The following DNAH11 variants were observed in gnomAD, a reference collection of about 807,000 sequenced individuals.
DNAH11 encodes the protein axonemal beta dynein heavy chain 11.
DNAH11 carries 442 observed loss-of-function variants against 526.0 expected under a neutral mutation model. That is an observed-to-expected ratio of 0.84 (90% CI 0.78 to 0.91). The LOEUF (loss-of-function observed/expected upper bound fraction) is 0.91. DNAH11 is among the 40% of genes least tolerant of loss of function. The pLI, the probability that DNAH11 is intolerant of heterozygous loss-of-function variation, is 0.00. For missense variants in DNAH11, 6,989 were observed against 5,448.7 expected (o/e 1.28, Z -8.90); for synonymous variants, 2,461 against 1,935.9 (o/e 1.27, Z -7.12).
Position 21,711,691 on chromosome 7 carries a change from A to T in DNAH11, c.6835-21A>T, listed in dbSNP as rs759185594. 1.9e-6 allele frequency: 3 copies of T among 1,606,422 alleles called. No homozygotes were observed. The South Asian group carries it at 3.3e-5, about 18-fold the overall frequency. Reference sequence around the variant, plus strand: ...GCGGCATTGCTTTTGCCCATGGGTGACAGTGTGCTGCTCACTCCAGGTGCT... The same window carrying T: ...GCGGCATTGCTTTTGCCCATGGGTGTCAGTGTGCTGCTCACTCCAGGTGCT... On this transcript the variant is annotated intron_variant, in intron 41 of 81. Transcript: ENST00000409508.
In DNAH11 at chr7:21,617,741, G is replaced by T. The variant is rs1016300664; in HGVS notation, c.4218G>T (p.Arg1406Ser). 1 of 1,608,954 alleles carries T rather than the reference G, an allele frequency of 6.2e-7. No individual in the cohort carries two copies. Among genetic ancestry groups the T allele is most frequent in the Admixed American group, 1.7e-5 (1 of 58,864 alleles). Residue 1406 changes from arginine (R) to serine (S), a missense_variant, in exon 23 of 82, where the codon AGG becomes AGT. Arg to Ser is a moderately radical substitution (Grantham distance 110). Transcript: ENST00000409508. Reference sequence around the variant, plus strand: ...CAGAGTTACAGAGCCCTGCCCTCAGGGACAGGCATTGGCACCAGCTGATGA... The same window carrying T: ...CAGAGTTACAGAGCCCTGCCCTCAGTGACAGGCATTGGCACCAGCTGATGA... ...AITELQSPAL[R>S]DRHWHQLMKA... is the part of the protein sequence containing the mutation.
At chr7:21,763,843 C>T (rs945329177) in intron 54 of DNAH11, among the ~76,000 whole-genome samples, 5 of 149,844 alleles carry the variant, frequency 3.3e-5, no homozygotes, top group African/African-American at 9.9e-5. Flanking sequence ...TATACACACA[C>T]AATGGAATAT....
At chr7:21,550,359 T>C (rs548186300) in intron 2 of DNAH11, among the ~76,000 whole-genome samples, 7 of 152,166 alleles carry the variant, frequency 4.6e-5, no homozygotes, top group Admixed American at 4.6e-4. Context: ...GAAGTCCTTT[T>C]AACCTAAGGG....
chr7:21,633,852 G>A (rs747968839), intron 25 of DNAH11, among the ~76,000 whole-genome samples: 21 of 152,144 alleles, frequency 1.4e-4, no homozygotes, highest in Admixed American at 2.0e-4. Context: ...GGGTATTTAG[G>A]CAATGAGGAC....
intron 8 of DNAH11, among the ~76,000 whole-genome samples, chr7:21,574,429 G>C (rs11770323): frequency 0.47 from 71,464 of 151,894 alleles, 17,412 homozygotes; most frequent in East Asian, 0.75. Flanking sequence ...GAGTGGTCCC[G>C]CAGGCAAATG....
At chr7:21,770,779 A>G (rs1787404809) in intron 55 of DNAH11, among the ~76,000 whole-genome samples, 1 of 152,180 alleles carries the variant, frequency 6.6e-6, no homozygotes, top group African/African-American at 2.4e-5. Flanking sequence ...GCAGTATCTT[A>G]CCAGATTTTT....
At chr7:21,617,324 C>A (rs1181900331) in intron 22 of DNAH11, among the ~76,000 whole-genome samples, 3 of 152,200 alleles carry the variant, frequency 2.0e-5, no homozygotes, top group African/African-American at 7.2e-5. Context: ...AAACATTCTT[C>A]ATTGCACGTG....
At chr7:21,817,964 A>G (rs1210011145) in intron 64 of DNAH11, among the ~76,000 whole-genome samples, 3 of 152,214 alleles carry the variant, frequency 2.0e-5, no homozygotes, top group African/African-American at 4.8e-5. Context: ...ATTACAAGCA[A>G]CTAATCTATA....
intron 2 of DNAH11, among the ~76,000 whole-genome samples, chr7:21,552,286 A>G (rs1783052136): frequency 6.6e-6 from 1 of 152,172 alleles, no homozygotes; most frequent in Non-Finnish European, 1.5e-5. Flanking sequence ...TTTCTCTTCT[A>G]GTAACTTGAG....
chr7:21,836,883 A>G (rs992137084), intron 65 of DNAH11, among the ~76,000 whole-genome samples: 1 of 152,136 alleles, frequency 6.6e-6, no homozygotes. Flanking sequence ...TATATAAGGA[A>G]CTCAATTTAG....
In DNAH11 at chr7:21,818,297, T is replaced by G. The variant is rs1789899060; in HGVS notation, c.10649T>G (p.Val3550Gly). Residue 3550 changes from valine (V) to glycine (G), a missense_variant, in exon 65 of 82, where the codon GTC becomes GGC. Transcript: ENST00000409508. The stretch of plus-strand genomic sequence containing the variant: ...AATCTCGAGGAAACGATAGATCCAG[T>G]CCTGGATCCACTACTTGGCAGGAAC... ...IENLEETIDP[V>G]LDPLLGRNTI... is the part of the protein sequence containing the mutation. The G allele has an allele frequency of 1.2e-6, 2 of 1,611,010 alleles. No homozygotes were observed. The highest frequency in any genetic ancestry group is 4.5e-5 in the East Asian group (2 of 44,734).
chr7:21,845,450 G>A (rs1014338146), intron 66 of DNAH11, among the ~76,000 whole-genome samples: 5 of 151,988 alleles, frequency 3.3e-5, no homozygotes, highest in South Asian at 4.1e-4. Flanking sequence ...TCTCAGCACC[G>A]TTTGTTGAAA....
chr7:21,688,682 A>G (rs1037756065), intron 34 of DNAH11, among the ~76,000 whole-genome samples: 1 of 152,232 alleles, frequency 6.6e-6, no homozygotes, highest in South Asian at 2.1e-4. Flanking sequence ...TAGTTGTCTC[A>G]TCCCAATAGG....
intron 55 of DNAH11, among the ~76,000 whole-genome samples, chr7:21,767,402 C>G (rs1787227486): frequency 6.6e-6 from 1 of 152,056 alleles, no homozygotes; most frequent in Non-Finnish European, 1.5e-5. Context: ...TTTTCCTGTC[C>G]AGGTGGGTGC....
intron 32 of DNAH11, among the ~76,000 whole-genome samples, chr7:21,686,201 A>G (rs1783368534): frequency 6.6e-6 from 1 of 152,194 alleles, no homozygotes; most frequent in South Asian, 2.1e-4. Flanking sequence ...CCTTCTGAAT[A>G]TATTCCTACA....
intron 65 of DNAH11, among the ~76,000 whole-genome samples, chr7:21,824,841 C>T (rs1382904530): frequency 6.6e-6 from 1 of 152,122 alleles, no homozygotes; most frequent in African/African-American, 2.4e-5. Flanking sequence ...ATCTACATTG[C>T]TCCTTCTGGC....
intron 68 of DNAH11, among the ~76,000 whole-genome samples, chr7:21,859,412 C>CT (rs1562588605): frequency 6.6e-6 from 1 of 152,194 alleles, no homozygotes; most frequent in East Asian, 1.9e-4. Context: ...CAAGCCCAAC[C>CT]TATAAATGCT....
At chr7:21,580,956 C>G (rs1784285913) in intron 8 of DNAH11, among the ~76,000 whole-genome samples, 1 of 152,150 alleles carries the variant, frequency 6.6e-6, no homozygotes, top group African/African-American at 2.4e-5. Context: ...CATTTAACTT[C>G]TCTGAGTTTG....
intron 30 of DNAH11, among the ~76,000 whole-genome samples, chr7:21,667,712 C>T (rs150650884): frequency 7.1e-4 from 108 of 152,154 alleles, no homozygotes; most frequent in African/African-American, 2.4e-3. Context: ...GAATCAAAAA[C>T]ATACAATAAA....
Sources: gnomAD v4.1 joint callset for allele counts (sites outside exome capture counted in the v4.1 genomes callset) on GRCh38, gnomAD v4.1.1 for gene constraint, MANE v1.5 for transcripts, NCBI Gene and HGNC (gene_info 2026-07-23, HGNC 2026-07-21) for gene names.